RLN2: variants seen among roughly 807,000 people sequenced by gnomAD.
RLN2 encodes prorelaxin H2.
In RLN2, 10 loss-of-function variants were observed where a neutral mutation model predicts 7.3. That is an observed-to-expected ratio of 1.36 (90% confidence interval 0.84 to 2.31). The LOEUF (loss-of-function observed/expected upper bound fraction) is 2.31, where lower values mean the gene tolerates loss of function less well. Among genes scored for constraint, RLN2 ranks in the 30% most tolerant of loss-of-function variants. The pLI is 0.00. For synonymous variants in RLN2, 103 were observed against 82.3 expected (o/e 1.25, Z -1.36); for missense variants, 298 against 217.6 (o/e 1.37, Z -2.32).
upstream of RLN2, among the ~76,000 whole-genome samples, chr9:5,307,100 C>T (rs1267757969): frequency 6.6e-6 from 1 of 151,882 alleles, no homozygotes; most frequent in South Asian, 2.1e-4. Flanking sequence ...GACACAGCTG[C>T]CTGGGAGGGT....
the RLN2 span, among the ~76,000 whole-genome samples, chr9:5,325,764 A>G: frequency 6.6e-6 from 1 of 152,098 alleles, no homozygotes; most frequent in African/African-American, 2.4e-5. Flanking sequence ...TATCATCTTA[A>G]TTTATGTTCT....
At chr9:5,335,471 T>C in the RLN2 span, 3 of 1,613,544 alleles carry the variant, frequency 1.9e-6, no homozygotes, top group East Asian at 6.7e-5. Flanking sequence ...TACATACTGC[T>C]GTAGCTCTGG....
the RLN2 span, among the ~76,000 whole-genome samples, chr9:5,312,513 C>A: frequency 2.0e-5 from 3 of 152,056 alleles, no homozygotes; most frequent in Non-Finnish European, 2.9e-5. Flanking sequence ...TGTGAAATGT[C>A]AACCCTCACT....
chr9:5,306,472 A>G (rs1340902563), upstream of RLN2, among the ~76,000 whole-genome samples: 2 of 152,122 alleles, frequency 1.3e-5, no homozygotes, highest in East Asian at 3.9e-4. Context: ...CAGAAAGAAG[A>G]AACAGATTGA....
At chr9:5,317,994 A>ATGTGTGTGTGTGCGTG in the RLN2 span, among the ~76,000 whole-genome samples, 1 of 64,746 alleles carries the variant, frequency 1.5e-5, no homozygotes. Context: ...TAACAAAACT[A>ATGTGTGTGTGTGCGTG]TGTGTGTGTG....
At chr9:5,308,416 G>A (rs768467320), upstream of RLN2, among the ~76,000 whole-genome samples, 1 of 151,812 alleles carries the variant, frequency 6.6e-6, no homozygotes, top group East Asian at 1.9e-4. Context: ...TCATCACCCA[G>A]GCCTCAGAGA....
At chr9:5,311,838 T>A in the RLN2 span, 87 of 576,814 alleles carry the variant, frequency 1.5e-4, no homozygotes, top group African/African-American at 5.2e-4. Flanking sequence ...CTTTTTTTTT[T>A]ATTATACCTT....
chr9:5,318,905 T>C, the RLN2 span, among the ~76,000 whole-genome samples: 32 of 152,030 alleles, frequency 2.1e-4, no homozygotes, highest in Admixed American at 7.2e-4. Context: ...ATTTTTAAGA[T>C]TGGCAATAAG....
the RLN2 span, chr9:5,335,632 G>T: frequency 7.3e-6 from 10 of 1,377,042 alleles, no homozygotes; most frequent in East Asian, 1.2e-4. Context: ...ATGTGAAGGC[G>T]TATTCACGTC....
chr9:5,308,956 C>G (rs1816300362), upstream of RLN2, among the ~76,000 whole-genome samples: 1 of 152,090 alleles, frequency 6.6e-6, no homozygotes, highest in Admixed American at 6.5e-5. Context: ...AGTCTGTTCC[C>G]AACTGCAACA....
the RLN2 span, among the ~76,000 whole-genome samples, chr9:5,326,327 A>AGGG: frequency 3.0e-4 from 45 of 152,202 alleles, no homozygotes; most frequent in African/African-American, 1.1e-3. Context: ...TAGAAGGGGA[A>AGGG]GAAGGAAACA....
At chr9:5,313,738 C>A in the RLN2 span, among the ~76,000 whole-genome samples, 1 of 151,884 alleles carries the variant, frequency 6.6e-6, no homozygotes, top group African/African-American at 2.4e-5. Flanking sequence ...GATAACCTAA[C>A]TAGAAGCTCC....
chr9:5,308,881 G>A (rs1463583037), upstream of RLN2, among the ~76,000 whole-genome samples: 1 of 152,034 alleles, frequency 6.6e-6, no homozygotes, highest in Non-Finnish European at 1.5e-5. Flanking sequence ...ATCCTTTCGT[G>A]GTAACCAGGG....
rs756101916 is a variant in RLN2, at chr9:5,300,369, T to C, written c.287A>G (p.Gln96Arg). 9 of 1,613,942 alleles carry C rather than the reference T, an allele frequency of 5.6e-6. No homozygotes were observed. Among genetic ancestry groups the C allele is most frequent in the Non-Finnish European group, 6.8e-6 (8 of 1,179,924 alleles). ...MMSEFVANLP[Q>R]ELKLTLSEMQ... is the part of the protein sequence containing the mutation. ...CTCAGACAGGGTTAACTTCAGCTCCTGTGGCAAATTAGCAACAAATTCTGA... is the reference window on the plus strand; with the variant it reads ...CTCAGACAGGGTTAACTTCAGCTCCCGTGGCAAATTAGCAACAAATTCTGA... The change falls in exon 2 of 2, where the codon CAG (glutamine) becomes CGG (arginine). Residue 96 changes from glutamine to arginine, a missense_variant. Gln to Arg is a conservative substitution (Grantham distance 43). Transcript: ENST00000381627.
At chr9:5,311,191 G>C in the RLN2 span, among the ~76,000 whole-genome samples, 1 of 152,054 alleles carries the variant, frequency 6.6e-6, no homozygotes, top group East Asian at 1.9e-4. Flanking sequence ...ACTGAAGATT[G>C]GACCAACAAC....
upstream of RLN2, among the ~76,000 whole-genome samples, chr9:5,305,440 AG>A (rs2130994782): frequency 6.6e-6 from 1 of 151,716 alleles, no homozygotes; most frequent in African/African-American, 2.4e-5. Context: ...AAAAAAAAGC[AG>A]TGGAAATCCC....
chr9:5,332,494 A>T, the RLN2 span, among the ~76,000 whole-genome samples: 2 of 152,100 alleles, frequency 1.3e-5, no homozygotes, highest in African/African-American at 4.8e-5. Flanking sequence ...TTACATCATT[A>T]TTGGTCTCAA....
rs1816208065 is a variant in RLN2 at position 5,304,612 on chromosome 9, G to T, written c.-32C>A. 6.2e-7 allele frequency: 1 copy of T among 1,607,054 alleles called. No individual in the cohort carries two copies. The highest frequency in any genetic ancestry group is 2.2e-5 in the East Asian group (1 of 44,808). On this transcript the variant is annotated 5_prime_UTR_variant, in exon 1 of 2. Coordinates refer to ENST00000381627, the MANE Select transcript of RLN2 (RefSeq NM_134441.3). ...CCTGGTCTCTCCTGGAGGTCGGGAC[G>T]TTGCAGCCTTTCAGGACTGCAGCTG...
the RLN2 span, chr9:5,311,319 T>C: frequency 4.8e-5 from 18 of 372,916 alleles, no homozygotes; most frequent in South Asian, 4.3e-4. Context: ...TGAGCAGACA[T>C]GTGATGGGAG....
Sources: allele counts gnomAD v4.1 joint callset (sites outside exome capture counted in the v4.1 genomes callset), GRCh38; gene constraint gnomAD v4.1.1; transcripts MANE v1.5; gene names NCBI Gene and HGNC (gene_info 2026-07-23, HGNC 2026-07-21).